The following DLG2 variants were observed in gnomAD, a reference collection of about 807,000 sequenced individuals.
The protein encoded by DLG2 is discs large MAGUK scaffold protein 2, also known as disks large homolog 2.
A neutral mutation model predicts 132.5 loss-of-function variants in DLG2; 45 were observed. The observed-to-expected ratio is 0.34, with a 90% CI of 0.27 to 0.44. DLG2 has a LOEUF of 0.44. Ranked by LOEUF, DLG2 falls within the 20% of genes least tolerant of loss-of-function variation. The probability of loss-of-function intolerance (pLI) is 1.00; values close to 1 mark genes in which losing one functional copy is unlikely to be tolerated. For synonymous variants in DLG2, 424 were observed against 419.6 expected, an observed-to-expected ratio of 1.01 and a Z score of -0.13; for missense variants, 1,045 against 1,196.9, an observed-to-expected ratio of 0.87 and a Z score of 1.87.
At chr11:83,524,393 C>T (rs191020608) in intron 21 of DLG2, among the ~76,000 whole-genome samples, 1 of 152,254 alleles carries the variant, frequency 6.6e-6, no homozygotes, top group East Asian at 1.9e-4. Context: ...ATAAGCACCT[C>T]AGCTGATTCT....
intron 3 of DLG2, among the ~76,000 whole-genome samples, chr11:85,339,471 G>C (rs1278998897): frequency 6.6e-6 from 1 of 152,098 alleles, no homozygotes; most frequent in Non-Finnish European, 1.5e-5. Context: ...AATTTGCATT[G>C]ACATCACCAA....
At chr11:83,481,175 T>C (rs1162831009) in intron 22 of DLG2, among the ~76,000 whole-genome samples, 1 of 152,122 alleles carries the variant, frequency 6.6e-6, no homozygotes, top group East Asian at 1.9e-4. Flanking sequence ...TTTTTTTAAA[T>C]TCATGCTGAA....
chr11:84,131,773 A>C (rs1314689796), intron 9 of DLG2, among the ~76,000 whole-genome samples: 1 of 151,948 alleles, frequency 6.6e-6, no homozygotes, highest in Admixed American at 6.6e-5. Context: ...TTTTTTCTAA[A>C]CTTAAAGTCA....
chr11:85,579,911 G>C (rs1263784710), intron 3 of DLG2, among the ~76,000 whole-genome samples: 1 of 152,130 alleles, frequency 6.6e-6, no homozygotes, highest in Admixed American at 6.5e-5. Context: ...AGAGAAGCCT[G>C]ATATGGTTTG....
chr11:84,814,656 A>G (rs1388925725), intron 6 of DLG2, among the ~76,000 whole-genome samples: 1 of 151,938 alleles, frequency 6.6e-6, no homozygotes. Flanking sequence ...ATGTTTGTTC[A>G]TGTTTGTTCC....
chr11:83,981,317 T>C (rs867400123), intron 11 of DLG2, among the ~76,000 whole-genome samples: 59 of 152,306 alleles, frequency 3.9e-4, no homozygotes, highest in Middle Eastern at 6.8e-3. Context: ...GATTAACTAA[T>C]TGTGAGACTA....
At chr11:84,535,403 C>A (rs1319604246) in intron 6 of DLG2, among the ~76,000 whole-genome samples, 1 of 152,192 alleles carries the variant, frequency 6.6e-6, no homozygotes, top group Admixed American at 6.5e-5. Flanking sequence ...AAGTTATCTG[C>A]CTATATTGTA....
At chr11:83,770,265 G>GTTTTTTTTTTTTTTTTTT (rs71066064) in intron 18 of DLG2, among the ~76,000 whole-genome samples, 4 of 128,772 alleles carry the variant, frequency 3.1e-5, no homozygotes, top group South Asian at 2.6e-4. Context: ...GTTTTTTTTT[G>GTTTTTTTTTTTTTTTTTT]TTTTTTTGCT....
intron 19 of DLG2, among the ~76,000 whole-genome samples, chr11:83,564,539 T>G (rs919386374): frequency 6.6e-6 from 1 of 152,248 alleles, no homozygotes; most frequent in Non-Finnish European, 1.5e-5. Context: ...TCTGCTGCTT[T>G]GGCAGGTAAC....
chr11:85,378,834 A>T (rs984480369), intron 3 of DLG2, among the ~76,000 whole-genome samples: 1 of 152,166 alleles, frequency 6.6e-6, no homozygotes, highest in Non-Finnish European at 1.5e-5. Flanking sequence ...TTCATACATA[A>T]CAAAAGTTTG....
intron 3 of DLG2, among the ~76,000 whole-genome samples, chr11:85,416,971 A>C (rs2089916457): frequency 6.6e-6 from 1 of 152,110 alleles, no homozygotes; most frequent in Admixed American, 6.6e-5. Context: ...CAGAACTTCC[A>C]ATACTATATC....
chr11:84,423,826 A>C (rs2098958267), intron 7 of DLG2, among the ~76,000 whole-genome samples: 1 of 152,210 alleles, frequency 6.6e-6, no homozygotes, highest in East Asian at 1.9e-4. Flanking sequence ...ATACATAGGC[A>C]ATACACATTC....
chr11:85,533,957 C>A (rs2075392146), intron 3 of DLG2, among the ~76,000 whole-genome samples: 3 of 151,994 alleles, frequency 2.0e-5, no homozygotes, highest in Non-Finnish European at 2.9e-5. Context: ...CAATATATGC[C>A]CACTAAAATG....
intron 3 of DLG2, among the ~76,000 whole-genome samples, chr11:85,455,037 A>T (rs1046093055): frequency 6.6e-5 from 10 of 152,142 alleles, no homozygotes; most frequent in African/African-American, 2.4e-4. Context: ...ATTTTAGAAT[A>T]GTTTCTTTCT....
chr11:83,710,613 A>G (rs995461635), intron 18 of DLG2, among the ~76,000 whole-genome samples: 1 of 152,216 alleles, frequency 6.6e-6, no homozygotes, highest in African/African-American at 2.4e-5. Context: ...ACAACAATAT[A>G]TAGTTCATAT....
intron 9 of DLG2, among the ~76,000 whole-genome samples, chr11:84,140,978 CCA>C (rs2094818081): frequency 6.6e-6 from 1 of 152,070 alleles, no homozygotes. Flanking sequence ...CTTCTTTGAA[CCA>C]CAGTTTGCTT....
intron 12 of DLG2, among the ~76,000 whole-genome samples, chr11:83,974,035 G>A (rs2091821452): frequency 6.6e-6 from 1 of 152,068 alleles, no homozygotes. Context: ...AAAGATGGGG[G>A]TTAAGAATAA....
intron 6 of DLG2, among the ~76,000 whole-genome samples, chr11:84,547,007 T>A (rs975231696): frequency 6.6e-6 from 1 of 152,220 alleles, no homozygotes; most frequent in Non-Finnish European, 1.5e-5. Flanking sequence ...CATCAATTCC[T>A]ACTTTGATAA....
At chr11:85,073,634 A>G (rs756578325) in intron 6 of DLG2, among the ~76,000 whole-genome samples, 236 of 151,988 alleles carry the variant, frequency 1.6e-3, no homozygotes, top group Admixed American at 3.7e-3. Flanking sequence ...AAGGTAGCAC[A>G]TCAGTGGGAT....
Sources: gnomAD v4.1 joint callset for allele counts (sites outside exome capture counted in the v4.1 genomes callset) on GRCh38, gnomAD v4.1.1 for gene constraint, MANE v1.5 for transcripts, NCBI Gene and HGNC (gene_info 2026-07-23, HGNC 2026-07-21) for gene names.